Variants in CCDC171 observed in about 807,000 individuals in gnomAD.
The protein encoded by CCDC171 is coiled-coil domain-containing protein 171.
Under a neutral mutation model 168.2 loss-of-function variants are expected in CCDC171, and 177 were observed. That is an observed-to-expected ratio of 1.05 (90% CI 0.93 to 1.19). CCDC171 has a LOEUF of 1.19. CCDC171 is among the 50% of genes most tolerant of loss of function. The probability of loss-of-function intolerance (pLI) is 0.00; values close to 1 mark genes in which losing one functional copy is unlikely to be tolerated. For missense variants in CCDC171, 1,991 were observed against 1,539.0 expected (o/e 1.29, Z -4.91); for synonymous variants, 687 against 540.8 (o/e 1.27, Z -3.75).
the CCDC171 span, among the ~76,000 whole-genome samples, chr9:16,105,458 C>G: frequency 2.0e-5 from 3 of 152,238 alleles, no homozygotes; most frequent in South Asian, 4.2e-4. Context: ...CAGCACCCCC[C>G]CCTTCTCTTT....
intron 7 of CCDC171, among the ~76,000 whole-genome samples, chr9:15,626,083 A>C (rs1048573296): frequency 2.0e-5 from 3 of 152,128 alleles, no homozygotes; most frequent in Admixed American, 1.3e-4. Flanking sequence ...TGTAGCAATC[A>C]TGATTGGGAG....
chr9:15,651,323 G>A (rs1276859967), intron 7 of CCDC171, among the ~76,000 whole-genome samples: 2 of 151,868 alleles, frequency 1.3e-5, no homozygotes, highest in Non-Finnish European at 2.9e-5. Flanking sequence ...TGGCCAGCCT[G>A]GTCTTGAACT....
intron 10 of CCDC171, among the ~76,000 whole-genome samples, chr9:15,684,138 G>A (rs975547217): frequency 6.6e-6 from 1 of 152,014 alleles, no homozygotes; most frequent in Admixed American, 6.6e-5. Flanking sequence ...TGATGAAAAG[G>A]TGAGCTGTGA....
At chr9:16,006,893 C>G (rs532111214) in intron 3 of CCDC171, among the ~76,000 whole-genome samples, 7 of 152,248 alleles carry the variant, frequency 4.6e-5, no homozygotes, top group African/African-American at 4.8e-5. Context: ...AATAAACATA[C>G]GTGTGCATGT....
intron 21 of CCDC171, among the ~76,000 whole-genome samples, chr9:15,798,616 G>A (rs2058669799): frequency 6.6e-6 from 1 of 152,038 alleles, no homozygotes. Context: ...AGCAAAATGT[G>A]ACCCACAGGT....
At chr9:15,895,243 C>A (rs1037898680) in intron 24 of CCDC171, among the ~76,000 whole-genome samples, 1 of 152,054 alleles carries the variant, frequency 6.6e-6, no homozygotes, top group Non-Finnish European at 1.5e-5. Context: ...AGACTATGTT[C>A]CTATTTGCAT....
chr9:16,020,187 T>G (rs1270419458), intron 3 of CCDC171, among the ~76,000 whole-genome samples: 1 of 152,224 alleles, frequency 6.6e-6, no homozygotes, highest in African/African-American at 2.4e-5. Flanking sequence ...AAATTTTGTT[T>G]CATGCACAAA....
At chr9:15,708,572 C>G (rs1321823772) in intron 11 of CCDC171, among the ~76,000 whole-genome samples, 1 of 152,146 alleles carries the variant, frequency 6.6e-6, no homozygotes, top group African/African-American at 2.4e-5. Context: ...AACTCCCATA[C>G]CATCTCCGTG....
At chr9:15,823,669 T>C (rs7019205) in intron 21 of CCDC171, among the ~76,000 whole-genome samples, 70,550 of 151,998 alleles carry the variant, frequency 0.46, 16,680 homozygotes, top group African/African-American at 0.52. Flanking sequence ...ATATTTGTAA[T>C]GTTGCATGAA....
chr9:15,730,705 A>T (rs997804281), intron 16 of CCDC171, among the ~76,000 whole-genome samples: 1 of 151,872 alleles, frequency 6.6e-6, no homozygotes, highest in Admixed American at 6.6e-5. Context: ...TGTATCCCCA[A>T]ATTTAAAGGT....
At chr9:15,644,618 C>G (rs2046892216) in intron 7 of CCDC171, among the ~76,000 whole-genome samples, 1 of 152,234 alleles carries the variant, frequency 6.6e-6, no homozygotes, top group Non-Finnish European at 1.5e-5. Flanking sequence ...CTCGGAGAGT[C>G]CCATGCCCAC....
Position 15,591,559 on chromosome 9 carries a change from A to G in CCDC171, c.543+3A>G, listed in dbSNP as rs1288112039. On this transcript the variant is annotated splice_donor_region_variant and intron_variant, in intron 5 of 25. Coordinates refer to ENST00000380701, the MANE Select transcript of CCDC171 (RefSeq NM_173550.4). ...GCAGACTAGAGAAAACTCTACAGGT[A>G]AAATAGTTTTTATAAAGGAATTTTC... is the stretch of plus-strand genomic sequence containing the variant. 7.4e-6 allele frequency: 11 copies of G among 1,481,776 alleles called. No homozygotes were observed. The highest frequency in any genetic ancestry group is 1.4e-5 in the African/African-American group (1 of 69,896). 91.8% of individuals were successfully genotyped at this position (1,481,776 alleles called of 1,614,324 possible). A position where few individuals can be genotyped will look rare whatever the true frequency, so the allele number is the denominator to read the frequency against.
chr9:15,910,133 T>C (rs960712212), intron 24 of CCDC171, among the ~76,000 whole-genome samples: 14 of 151,916 alleles, frequency 9.2e-5, no homozygotes, highest in Admixed American at 2.6e-4. Flanking sequence ...ATGAGTTTCC[T>C]TTTTTTAATG....
At chr9:15,799,135 C>CGTATATATATAT (rs1219901241) in intron 21 of CCDC171, among the ~76,000 whole-genome samples, 1 of 109,028 alleles carries the variant, frequency 9.2e-6, no homozygotes, top group African/African-American at 3.5e-5. Context: ...TCATCATTGC[C>CGTATATATATAT]ATATATATAT....
chr9:16,078,155 G>T, the CCDC171 span, among the ~76,000 whole-genome samples: 5 of 151,656 alleles, frequency 3.3e-5, no homozygotes, highest in African/African-American at 1.2e-4. Flanking sequence ...CAGTGTATAC[G>T]TATGTCAAAA....
intron 21 of CCDC171, among the ~76,000 whole-genome samples, chr9:15,828,140 A>G (rs1440332899): frequency 6.6e-6 from 1 of 152,230 alleles, no homozygotes; most frequent in Non-Finnish European, 1.5e-5. Flanking sequence ...TGTGAAAAAG[A>G]TGATTTCAGC....
the CCDC171 span, among the ~76,000 whole-genome samples, chr9:16,093,957 G>A: frequency 7.9e-5 from 12 of 152,272 alleles, no homozygotes; most frequent in South Asian, 2.1e-4. Context: ...AGTGCTCCCC[G>A]TTGGCCATGT....
intron 16 of CCDC171, among the ~76,000 whole-genome samples, chr9:15,732,611 T>A (rs913991422): frequency 2.2e-4 from 33 of 152,296 alleles, no homozygotes; most frequent in African/African-American, 7.2e-4. Context: ...GTCACATTGT[T>A]GCATATATCA....
chr9:15,576,793 C>T (rs1039020307), intron 3 of CCDC171, among the ~76,000 whole-genome samples: 2 of 152,180 alleles, frequency 1.3e-5, no homozygotes, highest in Admixed American at 6.5e-5. Flanking sequence ...GCTATATAAG[C>T]TATTTCCTCC....
Sources: gnomAD v4.1 joint callset for allele counts (sites outside exome capture counted in the v4.1 genomes callset) on GRCh38, gnomAD v4.1.1 for gene constraint, MANE v1.5 for transcripts, NCBI Gene and HGNC (gene_info 2026-07-23, HGNC 2026-07-21) for gene names.